PCDH15: variants seen among roughly 807,000 people sequenced by gnomAD.
PCDH15 encodes protocadherin related 15.
A neutral mutation model predicts 178.5 loss-of-function variants in PCDH15; 129 were observed. The ratio of observed to expected loss-of-function variants is 0.72; its 90% confidence interval spans 0.63 to 0.84. PCDH15 has a LOEUF of 0.84. Ranked by LOEUF, PCDH15 falls within the 40% of genes least tolerant of loss-of-function variation. PCDH15 has a pLI of 0.00. For synonymous variants in PCDH15, 800 were observed against 732.0 expected (o/e 1.09, Z -1.50); for missense variants, 2,230 against 2,099.9 (o/e 1.06, Z -1.21).
chr10:54,020,423 T>C lies in PCDH15; in HGVS notation c.2527-7A>G, dbSNP rs368267236. The C allele has an allele frequency of 3.7e-6, 6 of 1,612,814 alleles. No homozygotes were observed. Among genetic ancestry groups the C allele is most frequent in the Non-Finnish European group, 5.1e-6 (6 of 1,179,108 alleles). On this transcript the variant is annotated splice_region_variant and splice_polypyrimidine_tract_variant and intron_variant, in intron 19 of 37. Transcript: ENST00000644397. ...CAAGGTCGACATCTTTGGCCTGTAA[T>C]AAGCAGAAGAATAGTTTTATTAGTG...
intron 6 of PCDH15, among the ~76,000 whole-genome samples, chr10:54,332,276 A>AATATAATCTATATTATATATTATTAT (rs1939825155): frequency 5.3e-5 from 3 of 56,268 alleles, no homozygotes; most frequent in South Asian, 4.7e-4. Context: ...TATTATATAT[A>AATATAATCTATATTATATATTATTAT]ATATAATATA....
intron 23 of PCDH15, among the ~76,000 whole-genome samples, chr10:53,954,312 T>C (rs895023994): frequency 1.3e-5 from 2 of 152,214 alleles, no homozygotes; most frequent in African/African-American, 4.8e-5. Flanking sequence ...TTTTGCTATT[T>C]TACAATTTTG....
At chr10:54,575,857 C>A (rs1050190205) in intron 2 of PCDH15, among the ~76,000 whole-genome samples, 1 of 152,154 alleles carries the variant, frequency 6.6e-6, no homozygotes, top group Non-Finnish European at 1.5e-5. Context: ...AGCAGTGACA[C>A]ATGTTTTTGT....
intron 3 of PCDH15, among the ~76,000 whole-genome samples, chr10:54,435,223 C>T (rs2075303759): frequency 6.6e-6 from 1 of 152,158 alleles, no homozygotes; most frequent in Non-Finnish European, 1.5e-5. Context: ...GACACACCAG[C>T]CTTTTAAGAG....
At chr10:54,338,972 C>G (rs1274112575) in intron 6 of PCDH15, among the ~76,000 whole-genome samples, 1 of 152,066 alleles carries the variant, frequency 6.6e-6, no homozygotes, top group Non-Finnish European at 1.5e-5. Flanking sequence ...TTAGATTTTT[C>G]CATATAAGAC....
At chr10:53,884,465 T>A (rs2080952990) in intron 26 of PCDH15, among the ~76,000 whole-genome samples, 1 of 152,162 alleles carries the variant, frequency 6.6e-6, no homozygotes, top group Non-Finnish European at 1.5e-5. Context: ...CATATAGTCT[T>A]TAACTCCAAG....
intron 1 of PCDH15, among the ~76,000 whole-genome samples, chr10:55,294,523 C>T (rs1843087113): frequency 6.6e-6 from 1 of 152,178 alleles, no homozygotes; most frequent in Non-Finnish European, 1.5e-5. Context: ...GGAAATAATT[C>T]ACCATTACTG....
intron 18 of PCDH15, among the ~76,000 whole-genome samples, chr10:54,036,726 G>A (rs1263502473): frequency 1.3e-5 from 2 of 151,858 alleles, no homozygotes; most frequent in African/African-American, 2.4e-5. Flanking sequence ...ATGGATAAAG[G>A]AGTAAATTTG....
chr10:55,091,286 ATCTTTT>A (rs1163941781), intron 2 of PCDH15, among the ~76,000 whole-genome samples: 1 of 151,978 alleles, frequency 6.6e-6, no homozygotes, highest in African/African-American at 2.4e-5. Flanking sequence ...ACTGAAAATT[ATCTTTT>A]GTCAAGTAAA....
intron 15 of PCDH15, among the ~76,000 whole-genome samples, chr10:54,095,007 A>G (rs2094674301): frequency 6.6e-6 from 1 of 152,244 alleles, no homozygotes; most frequent in African/African-American, 2.4e-5. Context: ...AGATGAATAC[A>G]GCCATCAAAT....
At chr10:55,337,832 G>A (rs1183356158) in intron 2 of PCDH15, among the ~76,000 whole-genome samples, 1 of 130,860 alleles carries the variant, frequency 7.6e-6, no homozygotes, top group Non-Finnish European at 1.6e-5. Flanking sequence ...ATCCTAAGTA[G>A]GTATAAGAAT....
rs188635818 is a variant in PCDH15, at chr10:54,844,883, C to A, written c.-29+52567G>T. Among the ~76,000 whole-genome samples the A allele has an allele frequency of 6.9e-4, 104 of 151,808 alleles. 1 individual carries two copies. The highest frequency in any genetic ancestry group is 5.9e-5 in the Non-Finnish European group (4 of 67,816). On this transcript the variant is annotated intron_variant, in intron 3 of 5. Coordinates refer to the PCDH15 transcript ENST00000458638. ...AATAATGACTTTTAAAAAAACGTAG[C>A]CTTAATTTAAATGTTTCAGAGCAAT...
chr10:53,973,862 T>C (rs1355137826), intron 21 of PCDH15, among the ~76,000 whole-genome samples: 2 of 152,136 alleles, frequency 1.3e-5, no homozygotes, highest in Non-Finnish European at 2.9e-5. Flanking sequence ...AGTAACATAG[T>C]CTCCTTCAGA....
intron 26 of PCDH15, among the ~76,000 whole-genome samples, chr10:53,873,160 A>T (rs2079992300): frequency 6.6e-6 from 1 of 152,192 alleles, no homozygotes; most frequent in African/African-American, 2.4e-5. Context: ...GTTCCTCAGA[A>T]AATTTTTATA....
intron 3 of PCDH15, among the ~76,000 whole-genome samples, chr10:54,487,228 AAAC>A (rs956745146): frequency 2.6e-5 from 4 of 152,118 alleles, no homozygotes; most frequent in African/African-American, 9.7e-5. Flanking sequence ...ATCTTAAGTG[AAAC>A]AACTAAAACA....
chr10:54,226,037 A>G (rs756302646), intron 9 of PCDH15, among the ~76,000 whole-genome samples: 12 of 152,324 alleles, frequency 7.9e-5, no homozygotes, highest in Non-Finnish European at 7.3e-5. Context: ...AAAGAGAGAG[A>G]GAGAGGGATT....
intron 2 of PCDH15, among the ~76,000 whole-genome samples, chr10:54,989,035 T>C (rs980695292): frequency 6.6e-6 from 1 of 152,186 alleles, no homozygotes; most frequent in Non-Finnish European, 1.5e-5. Context: ...ACTCTGGCCA[T>C]GGCTGAAAGT....
At chr10:55,300,368 G>A (rs1843242948) in intron 1 of PCDH15, among the ~76,000 whole-genome samples, 1 of 152,066 alleles carries the variant, frequency 6.6e-6, no homozygotes, top group African/African-American at 2.4e-5. Context: ...ACGAAGACAC[G>A]TTATGCAAGA....
chr10:55,058,853 T>C (rs952177017), intron 2 of PCDH15, among the ~76,000 whole-genome samples: 90 of 152,296 alleles, frequency 5.9e-4, no homozygotes, highest in African/African-American at 2.1e-3. Flanking sequence ...CAAAACCCTG[T>C]CTTTCACTTA....
Sources: allele counts gnomAD v4.1 joint callset (sites outside exome capture counted in the v4.1 genomes callset), GRCh38; gene constraint gnomAD v4.1.1; transcripts MANE v1.5; gene names NCBI Gene and HGNC (gene_info 2026-07-23, HGNC 2026-07-21).